GRIN2B: variants seen among roughly 807,000 people sequenced by gnomAD.
The protein encoded by GRIN2B is glutamate ionotropic receptor NMDA type subunit 2B.
Under a neutral mutation model 114.5 loss-of-function variants are expected in GRIN2B, and 5 were observed. That is an observed-to-expected ratio of 0.04 (90% CI 0.02 to 0.09). The LOEUF is 0.09. Among genes scored for constraint, GRIN2B ranks in the 10% least tolerant of loss-of-function variants. The pLI, the probability that GRIN2B is intolerant of heterozygous loss-of-function variation, is 1.00. For missense variants in GRIN2B, 1,108 were observed against 1,943.5 expected, an observed-to-expected ratio of 0.57 and a Z score of 8.08; for synonymous variants, 787 against 745.1, an observed-to-expected ratio of 1.06 and a Z score of -0.92.
At chr12:13,637,510 C>G (rs1382740359) in intron 5 of GRIN2B, among the ~76,000 whole-genome samples, 1 of 152,088 alleles carries the variant, frequency 6.6e-6, no homozygotes, top group Admixed American at 6.6e-5. Flanking sequence ...ATTCCATCAC[C>G]AGTAAAGGTT....
At chr12:13,826,516 C>T (rs1024510419) in intron 3 of GRIN2B, among the ~76,000 whole-genome samples, 1 of 152,100 alleles carries the variant, frequency 6.6e-6, no homozygotes. Flanking sequence ...TAGTATAGGA[C>T]ACTTCCAACA....
In GRIN2B at chr12:13,753,198, C is replaced by T; in HGVS notation, c.1010+119G>A. Reference sequence around the variant, plus strand: ...CATGACCAATTGCCATGCCCAAGGCCAGGCTTCAACCTGCTACCGTCTTGA... The same window carrying T: ...CATGACCAATTGCCATGCCCAAGGCTAGGCTTCAACCTGCTACCGTCTTGA... On this transcript the variant is annotated intron_variant, in intron 4 of 13. Transcript: ENST00000609686. This position sits in a 1 kb window ranked among gnomAD's most constrained non-coding sequence, Gnocchi z 6.2. The T allele has an allele frequency of 1.3e-6, 1 of 790,830 alleles. No homozygotes were observed. Among genetic ancestry groups the T allele is most frequent in the Non-Finnish European group, 2.3e-6 (1 of 438,052 alleles). The allele number at this position is 790,830 out of a possible 1,614,324, so 49.0% of individuals were successfully genotyped here. A position where few individuals can be genotyped will look rare whatever the true frequency, so the allele number is the denominator to read the frequency against.
intron 2 of GRIN2B, among the ~76,000 whole-genome samples, chr12:13,972,913 G>A (rs561957134): frequency 1.3e-5 from 2 of 152,286 alleles, no homozygotes; most frequent in South Asian, 4.1e-4. Flanking sequence ...CCACACACAA[G>A]TCTAATATGC....
intron 5 of GRIN2B, among the ~76,000 whole-genome samples, chr12:13,637,041 A>G (rs995016837): frequency 3.3e-5 from 5 of 152,164 alleles, no homozygotes; most frequent in African/African-American, 1.2e-4. Context: ...TGAGATTCCT[A>G]TCATATATCT....
Position 13,564,205 on chromosome 12 carries a change from G to A in GRIN2B, c.3033C>T (p.Phe1011=), listed in dbSNP as rs200355836. The change falls in exon 14 of 14, where the codon TTC becomes TTT. Residue 1011 remains phenylalanine, a synonymous_variant. Coordinates refer to ENST00000609686, the MANE Select transcript of GRIN2B (RefSeq NM_000834.5). This position sits in a 1 kb window ranked among gnomAD's most constrained non-coding sequence, Gnocchi z 4.8. ...DGLYDCDNPP[F]TTQSRSISKK... ...TGCTGATGGACCTGGACTGGGTGGT[G>A]AAGGGTGGGTTGTCACAGTCGTAGA... is the stretch of plus-strand genomic sequence containing the variant. The A allele has an allele frequency of 2.5e-6, 4 of 1,614,078 alleles. No homozygotes were observed. The highest frequency in any genetic ancestry group is 1.3e-5 in the African/African-American group (1 of 74,922).
At chr12:13,847,565 C>T (rs981779577) in intron 3 of GRIN2B, among the ~76,000 whole-genome samples, 10 of 152,118 alleles carry the variant, frequency 6.6e-5, no homozygotes, top group African/African-American at 1.9e-4. Flanking sequence ...ATGATGGCTG[C>T]GTGTACCACA....
rs934264268 is a variant in GRIN2B, at chr12:13,634,694, C to T, written c.1126-18037G>A. On this transcript the variant is annotated intron_variant, in intron 5 of 13. Coordinates refer to ENST00000609686, the MANE Select transcript of GRIN2B (RefSeq NM_000834.5). ...GTATACCCAGAAAGGTGAACAAACA[C>T]ATTTTGTTAAGTACCCAACAGTTTC... Among the ~76,000 whole-genome samples, 10 of 152,152 alleles carry T rather than the reference C, an allele frequency of 6.6e-5. No individual in the cohort carries two copies. In the South Asian group the frequency reaches 8.3e-4, roughly 13 times the overall value.
intron 5 of GRIN2B, among the ~76,000 whole-genome samples, chr12:13,624,878 C>G (rs560018109): frequency 6.6e-6 from 1 of 152,192 alleles, no homozygotes. Flanking sequence ...GACTCTTCTT[C>G]GCTGCTTATC....
chr12:13,927,016 A>T (rs1378233018), intron 2 of GRIN2B, among the ~76,000 whole-genome samples: 1 of 152,080 alleles, frequency 6.6e-6, no homozygotes, highest in Non-Finnish European at 1.5e-5. Context: ...GTAAATGTGT[A>T]TGGAAATTCA....
chr12:13,757,483 C>T (rs557014674), intron 3 of GRIN2B, among the ~76,000 whole-genome samples: 3 of 152,222 alleles, frequency 2.0e-5, no homozygotes, highest in East Asian at 3.9e-4. Context: ...CTGTGATTAC[C>T]GCAAGTTATC....
intron 3 of GRIN2B, among the ~76,000 whole-genome samples, chr12:13,789,916 T>C (rs1307023397): frequency 1.3e-5 from 2 of 152,154 alleles, no homozygotes; most frequent in South Asian, 2.1e-4. Flanking sequence ...CCCCAGAACA[T>C]GCATGACCAT....
chr12:13,751,409 C>T (rs1287739204), intron 4 of GRIN2B, among the ~76,000 whole-genome samples: 1 of 152,066 alleles, frequency 6.6e-6, no homozygotes, highest in Non-Finnish European at 1.5e-5. Flanking sequence ...ATGTAAGAAG[C>T]CCTGTAGTAA....
intron 4 of GRIN2B, among the ~76,000 whole-genome samples, chr12:13,686,934 T>G (rs926412814): frequency 6.6e-6 from 1 of 152,170 alleles, no homozygotes; most frequent in Non-Finnish European, 1.5e-5. Context: ...GATAAGTTCC[T>G]TCTTTATCAG....
At chr12:13,746,408 T>G (rs1288410179) in intron 4 of GRIN2B, among the ~76,000 whole-genome samples, 1 of 152,200 alleles carries the variant, frequency 6.6e-6, no homozygotes, top group Non-Finnish European at 1.5e-5. Flanking sequence ...CTTGTCTGCT[T>G]TCTCCACTGA....
At chr12:13,715,013 A>G (rs1414563467) in intron 4 of GRIN2B, among the ~76,000 whole-genome samples, 2 of 151,870 alleles carry the variant, frequency 1.3e-5, no homozygotes, top group African/African-American at 4.8e-5. Context: ...TCAGTAAAAG[A>G]TTGCTTCTCG....
In GRIN2B at chr12:13,885,734, GGAGTCTCATAAACT is replaced by G. The variant is rs538818122; in HGVS notation, c.-18-19522_-18-19509del. Among the ~76,000 whole-genome samples, 536 of 152,302 alleles carry G rather than the reference GGAGTCTCATAAACT, an allele frequency of 3.5e-3. 3 individuals are homozygous for G. Among genetic ancestry groups the G allele is most frequent in the Non-Finnish European group, 5.1e-3 (346 of 68,024 alleles). Reference sequence around the variant, plus strand: ...AAGTAGTATTCTGAAGTTTTAAATAGGAGTCTCATAAACTGACTTTCAGAATACAACTTGTTCAT... The same window carrying G: ...AAGTAGTATTCTGAAGTTTTAAATAGGACTTTCAGAATACAACTTGTTCAT... On this transcript the variant is annotated intron_variant, in intron 2 of 13. Coordinates refer to ENST00000609686, the MANE Select transcript of GRIN2B (RefSeq NM_000834.5).
At chr12:13,732,472 G>C (rs1863100779) in intron 4 of GRIN2B, among the ~76,000 whole-genome samples, 1 of 152,130 alleles carries the variant, frequency 6.6e-6, no homozygotes, top group Middle Eastern at 3.2e-3. Context: ...TACGTTCTTT[G>C]AAATCCAGGT....
chr12:13,853,288 G>A (rs926034114), intron 3 of GRIN2B, among the ~76,000 whole-genome samples: 1 of 152,126 alleles, frequency 6.6e-6, no homozygotes, highest in African/African-American at 2.4e-5. Context: ...ACCTCAAATA[G>A]TTCCTAATAC....
At chr12:13,568,480 T>C (rs540301870) in intron 12 of GRIN2B, among the ~76,000 whole-genome samples, 1 of 152,342 alleles carries the variant, frequency 6.6e-6, no homozygotes, top group Non-Finnish European at 1.5e-5. Flanking sequence ...GAAGCTCTTA[T>C]ACCAAAATGG....
Sources: allele counts gnomAD v4.1 joint callset (sites outside exome capture counted in the v4.1 genomes callset), GRCh38; gene constraint gnomAD v4.1.1; non-coding constraint Gnocchi (gnomAD v3.1); transcripts MANE v1.5; gene names NCBI Gene and HGNC (gene_info 2026-07-23, HGNC 2026-07-21).